SUPT3H: variants seen among roughly 807,000 people sequenced by gnomAD.
SUPT3H encodes SPT3 homolog, SAGA and STAGA complex component, also known as transcription initiation protein SPT3 homolog.
SUPT3H carries 44 observed loss-of-function variants against 44.3 expected under a neutral mutation model. The observed-to-expected ratio is 0.99, with a 90% CI of 0.78 to 1.28. The LOEUF is 1.28. Among genes scored for constraint, SUPT3H ranks in the 50% most tolerant of loss-of-function variants. The pLI is 0.00. For synonymous variants in SUPT3H, 124 were observed against 125.6 expected (o/e 0.99, Z 0.09); for missense variants, 380 against 387.1 (o/e 0.98, Z 0.15).
intron 2 of SUPT3H, among the ~76,000 whole-genome samples, chr6:45,295,098 A>T (rs564973223): frequency 1.1e-3 from 172 of 152,304 alleles, no homozygotes; most frequent in African/African-American, 4.0e-3. Context: ...ATTTCAAACT[A>T]TACTATTAGG....
Position 45,073,505 on chromosome 6 carries a change from G to A in SUPT3H, c.186+32417C>T, listed in dbSNP as rs920260752. Among the ~76,000 whole-genome samples, 9 of 151,896 alleles carry A rather than the reference G, an allele frequency of 5.9e-5. No homozygotes were observed. The South Asian group carries it at 1.5e-3, about 25-fold the overall frequency. The stretch of plus-strand genomic sequence containing the variant: ...CTTCCAATTTATGTCAGTTTATGGC[G>A]AACTGATAAAATATATTTAATGTAA... On this transcript the variant is annotated intron_variant, in intron 3 of 10. Transcript: ENST00000371459.
chr6:45,163,008 CAACTGATGTT>C (rs1809281432), intron 2 of SUPT3H, among the ~76,000 whole-genome samples: 1 of 152,154 alleles, frequency 6.6e-6, no homozygotes, highest in South Asian at 2.1e-4. Context: ...AGCACAAGAA[CAACTGATGTT>C]CAAAGATCTT....
At chr6:44,958,720 G>A (rs1582756367) in intron 7 of SUPT3H, among the ~76,000 whole-genome samples, 1 of 151,860 alleles carries the variant, frequency 6.6e-6, no homozygotes, top group African/African-American at 2.4e-5. Context: ...TTAACTATCA[G>A]CTTACCATTT....
chr6:45,236,746 C>T (rs1465069527), intron 2 of SUPT3H, among the ~76,000 whole-genome samples: 12 of 151,908 alleles, frequency 7.9e-5, no homozygotes, highest in Admixed American at 3.9e-4. Context: ...ATACACCCCC[C>T]GAGATCAACA....
chr6:44,941,042 G>A (rs752974616), intron 9 of SUPT3H, among the ~76,000 whole-genome samples: 27 of 152,152 alleles, frequency 1.8e-4, no homozygotes, highest in East Asian at 3.9e-4. Flanking sequence ...TTTAAGTGGA[G>A]CATTTAATCC....
chr6:44,893,441 T>C (rs906017282), intron 10 of SUPT3H, among the ~76,000 whole-genome samples: 2 of 150,724 alleles, frequency 1.3e-5, no homozygotes, highest in Non-Finnish European at 3.0e-5. Context: ...TGTGTTCTCA[T>C]TGTTCAATTC....
intron 2 of SUPT3H, among the ~76,000 whole-genome samples, chr6:45,191,346 T>C (rs1435701865): frequency 6.6e-6 from 1 of 152,060 alleles, no homozygotes; most frequent in African/African-American, 2.4e-5. Flanking sequence ...TCCAACTATA[T>C]GAAATTCTGA....
intron 2 of SUPT3H, chr6:45,158,838 T>A (rs1343407305): frequency 6.6e-6 from 1 of 152,170 alleles, no homozygotes; most frequent in East Asian, 1.9e-4. Context: ...GACACTCCAC[T>A]ACTACTAGTC....
At chr6:45,184,801 A>C (rs1033992192) in intron 2 of SUPT3H, among the ~76,000 whole-genome samples, 5 of 126,676 alleles carry the variant, frequency 3.9e-5, no homozygotes, top group African/African-American at 1.1e-4. Context: ...AAAAAAAAAA[A>C]AACTCCAAGG....
Position 45,095,597 on chromosome 6 carries a change from CTACT to C in SUPT3H, c.186+10321_186+10324del, listed in dbSNP as rs1027279648. ...CTAGTGTAACCAACTACACAGCTTA[CTACT>C]GACTGGTAGATTCATACAGTGAAAA... On this transcript the variant is annotated intron_variant, in intron 3 of 10. Transcript: ENST00000371459. The surrounding 1 kb of genome is among the most constrained non-coding windows in gnomAD (Gnocchi z 4.1). Among the ~76,000 whole-genome samples, 2 of 152,134 alleles carry C rather than the reference CTACT, an allele frequency of 1.3e-5. No homozygotes were observed. The highest frequency in any genetic ancestry group is 4.8e-5 in the African/African-American group (2 of 41,446).
chr6:44,954,921 T>C (rs969079847), intron 7 of SUPT3H, among the ~76,000 whole-genome samples: 2 of 152,212 alleles, frequency 1.3e-5, no homozygotes, highest in East Asian at 1.9e-4. Flanking sequence ...AGATTTACCA[T>C]TGGCTACCGC....
intron 2 of SUPT3H, chr6:45,159,562 TCACC>T (rs1470627047): frequency 1.3e-5 from 2 of 152,170 alleles, no homozygotes; most frequent in Non-Finnish European, 2.9e-5. Context: ...CCATGTAGAT[TCACC>T]CATAACTCAC....
chr6:45,171,906 C>A (rs1480243784), intron 2 of SUPT3H, among the ~76,000 whole-genome samples: 2 of 149,216 alleles, frequency 1.3e-5, no homozygotes, highest in Non-Finnish European at 3.0e-5. Flanking sequence ...TAAGTACAGA[C>A]AGGGTTTCAC....
At chr6:44,902,369 A>G (rs1173458311) in intron 10 of SUPT3H, among the ~76,000 whole-genome samples, 1 of 152,126 alleles carries the variant, frequency 6.6e-6, no homozygotes, top group African/African-American at 2.4e-5. Flanking sequence ...GCAGGATTGC[A>G]GGGGTTGCAA....
intron 10 of SUPT3H, among the ~76,000 whole-genome samples, chr6:44,906,583 G>A (rs1030849002): frequency 6.6e-6 from 1 of 152,102 alleles, no homozygotes; most frequent in Non-Finnish European, 1.5e-5. Context: ...CCAACATTGT[G>A]AAACCCGTCT....
intron 2 of SUPT3H, among the ~76,000 whole-genome samples, chr6:45,286,494 C>G (rs1779299777): frequency 6.6e-6 from 1 of 152,160 alleles, no homozygotes; most frequent in Non-Finnish European, 1.5e-5. Flanking sequence ...TGAAAAAATG[C>G]TCATCATCAC....
At chr6:44,949,532 T>C (rs1038794931) in intron 9 of SUPT3H, among the ~76,000 whole-genome samples, 1 of 150,092 alleles carries the variant, frequency 6.7e-6, no homozygotes, top group African/African-American at 2.5e-5. Context: ...ATGTGAAAAA[T>C]ATGTGTTTGA....
intron 2 of SUPT3H, among the ~76,000 whole-genome samples, chr6:45,342,898 G>C (rs1175465548): frequency 6.6e-6 from 1 of 152,064 alleles, no homozygotes; most frequent in South Asian, 2.1e-4. Flanking sequence ...GAAAACCATA[G>C]AATGTCATGG....
chr6:45,299,934 G>A (rs146913631), intron 2 of SUPT3H, among the ~76,000 whole-genome samples: 38 of 148,812 alleles, frequency 2.6e-4, no homozygotes, highest in African/African-American at 7.0e-4. Context: ...TTTTATATGC[G>A]TATTATATAT....
Sources: allele counts gnomAD v4.1 joint callset (sites outside exome capture counted in the v4.1 genomes callset), GRCh38; gene constraint gnomAD v4.1.1; non-coding constraint Gnocchi (gnomAD v3.1); transcripts MANE v1.5; gene names NCBI Gene and HGNC (gene_info 2026-07-23, HGNC 2026-07-21).